The following GALNT17 variants were observed in gnomAD, a reference collection of about 807,000 sequenced individuals.
GALNT17 encodes the protein UDP-GalNAc:polypeptide N-acetylgalactosaminyltransferase-like 3.
Under a neutral mutation model 63.7 loss-of-function variants are expected in GALNT17, and 29 were observed. That is an observed-to-expected ratio of 0.46 (90% CI 0.34 to 0.62). The LOEUF is 0.62. Among genes scored for constraint, GALNT17 ranks in the 20% least tolerant of loss-of-function variants. The probability of loss-of-function intolerance (pLI) is 0.01; values close to 1 mark genes in which losing one functional copy is unlikely to be tolerated. For synonymous variants in GALNT17, 305 were observed against 318.3 expected (o/e 0.96, Z 0.45); for missense variants, 603 against 799.6 (o/e 0.75, Z 2.97).
intron 1 of GALNT17, among the ~76,000 whole-genome samples, chr7:71,168,733 GT>G (rs1562881234): frequency 5.9e-5 from 9 of 151,932 alleles, no homozygotes; most frequent in South Asian, 2.1e-4. Flanking sequence ...GTGTGTGTGT[GT>G]GGTAAGAGCA....
chr7:71,540,735 T>C (rs1020470176), intron 5 of GALNT17, among the ~76,000 whole-genome samples: 3 of 152,168 alleles, frequency 2.0e-5, no homozygotes, highest in African/African-American at 7.2e-5. Flanking sequence ...TCCTAGAGCA[T>C]GACAGTGTTA....
At chr7:71,627,718 G>C (rs1313809812) in intron 6 of GALNT17, among the ~76,000 whole-genome samples, 2 of 152,064 alleles carry the variant, frequency 1.3e-5, no homozygotes, top group Admixed American at 6.6e-5. Flanking sequence ...AACTCTAACG[G>C]ACAAGGGAAA....
chr7:71,289,113 T>C (rs1007554706), intron 1 of GALNT17, among the ~76,000 whole-genome samples: 1 of 151,472 alleles, frequency 6.6e-6, no homozygotes, highest in Non-Finnish European at 1.5e-5. Flanking sequence ...GACTTTTGAC[T>C]CCCCCAAAAC....
At chr7:71,249,673 A>G (rs1052084387) in intron 1 of GALNT17, among the ~76,000 whole-genome samples, 6 of 152,274 alleles carry the variant, frequency 3.9e-5, no homozygotes, top group African/African-American at 1.4e-4. Context: ...ATACTTTGTG[A>G]TAGAGTAATT....
At chr7:71,478,793 C>T (rs980328636) in intron 5 of GALNT17, among the ~76,000 whole-genome samples, 1 of 152,156 alleles carries the variant, frequency 6.6e-6, no homozygotes, top group Non-Finnish European at 1.5e-5. Context: ...CAAAACCCAT[C>T]CTGATGACAA....
intron 1 of GALNT17, among the ~76,000 whole-genome samples, chr7:71,313,637 A>G (rs1791448635): frequency 6.6e-6 from 1 of 152,244 alleles, no homozygotes; most frequent in South Asian, 2.1e-4. Flanking sequence ...TTTTGACCTT[A>G]AAAAATGGTG....
chr7:71,197,373 T>TC (rs1406483204), intron 1 of GALNT17, among the ~76,000 whole-genome samples: 6 of 151,314 alleles, frequency 4.0e-5, no homozygotes, highest in Middle Eastern at 3.4e-3. Context: ...CTAATTTTTT[T>TC]TTTTTTTTGC....
chr7:71,146,205 CAG>C (rs1197452242), intron 1 of GALNT17, among the ~76,000 whole-genome samples: 1 of 152,078 alleles, frequency 6.6e-6, no homozygotes, highest in South Asian at 2.1e-4. Context: ...TCAAATGACA[CAG>C]AGATTTGTTC....
At chr7:71,389,813 T>G (rs910952113) in intron 3 of GALNT17, among the ~76,000 whole-genome samples, 8 of 152,306 alleles carry the variant, frequency 5.3e-5, no homozygotes, top group African/African-American at 1.9e-4. Context: ...AAAATGATCT[T>G]AAGTAGAAGT....
At chr7:71,311,579 TG>T (rs1791415026) in intron 1 of GALNT17, among the ~76,000 whole-genome samples, 1 of 152,152 alleles carries the variant, frequency 6.6e-6, no homozygotes, top group Admixed American at 6.6e-5. Flanking sequence ...GAAAAAGCTG[TG>T]GGGGATCCCA....
intron 1 of GALNT17, among the ~76,000 whole-genome samples, chr7:71,327,122 G>A (rs2116040834): frequency 6.6e-6 from 1 of 152,266 alleles, no homozygotes; most frequent in African/African-American, 2.4e-5. Context: ...CACTGGAGGT[G>A]ACCACATGTA....
intron 8 of GALNT17, among the ~76,000 whole-genome samples, chr7:71,676,964 G>A (rs111947017): frequency 6.6e-6 from 1 of 152,184 alleles, no homozygotes; most frequent in Non-Finnish European, 1.5e-5. Context: ...GAATGGAGGT[G>A]CTGTGAGGGT....
chr7:71,482,081 ATG>A (rs10678512), intron 5 of GALNT17, among the ~76,000 whole-genome samples: 4,045 of 138,220 alleles, frequency 0.029, 162 homozygotes, highest in African/African-American at 0.093. Flanking sequence ...ATATATGTAT[ATG>A]TGTGTGTGTG....
chr7:71,226,937 A>G (rs1789691132), intron 1 of GALNT17, among the ~76,000 whole-genome samples: 1 of 151,850 alleles, frequency 6.6e-6, no homozygotes, highest in Admixed American at 6.6e-5. Context: ...TCCCCCCTCT[A>G]TGTGCTGCCG....
At chr7:71,475,330 G>A (rs1787705027) in intron 5 of GALNT17, among the ~76,000 whole-genome samples, 2 of 152,166 alleles carry the variant, frequency 1.3e-5, no homozygotes, top group Non-Finnish European at 2.9e-5. Flanking sequence ...TCACCATAAT[G>A]TAGAATCAGG....
rs554365476 is a variant in GALNT17, at chr7:71,290,330, G to GA, written c.239-45217dup. ...TTTCGCTTTATGACAAGAGTCTTTG[G>GA]AAAGGTCTTTGTCCAGGCGGGATGC... On this transcript the variant is annotated intron_variant, in intron 1 of 10. Transcript: ENST00000333538. Among the ~76,000 whole-genome samples, 388 of 152,276 alleles carry GA rather than the reference G, an allele frequency of 2.5e-3. 3 individuals carry two copies. Among genetic ancestry groups the GA allele is most frequent in the African/African-American group, 8.8e-3 (366 of 41,552 alleles).
chr7:71,270,867 GTAATT>G (rs1162175390), intron 1 of GALNT17, among the ~76,000 whole-genome samples: 2 of 150,332 alleles, frequency 1.3e-5, no homozygotes, highest in Admixed American at 6.7e-5. Flanking sequence ...AGAAAGAAAA[GTAATT>G]TAAGTAATTT....
chr7:71,582,203 A>G (rs776701616), intron 6 of GALNT17, among the ~76,000 whole-genome samples: 7 of 152,168 alleles, frequency 4.6e-5, no homozygotes, highest in Non-Finnish European at 8.8e-5. Context: ...ACTTGCACAC[A>G]CATGTTTGTA....
intron 1 of GALNT17, among the ~76,000 whole-genome samples, chr7:71,299,989 G>C (rs1162760371): frequency 6.6e-6 from 1 of 152,072 alleles, no homozygotes; most frequent in African/African-American, 2.4e-5. Flanking sequence ...GGTTGGCCAG[G>C]CTGGTCTCGA....
Sources: gnomAD v4.1 joint callset for allele counts (sites outside exome capture counted in the v4.1 genomes callset) on GRCh38, gnomAD v4.1.1 for gene constraint, MANE v1.5 for transcripts, NCBI Gene and HGNC (gene_info 2026-07-23, HGNC 2026-07-21) for gene names.